GALNT13: variants seen among roughly 807,000 people sequenced by gnomAD.
The protein encoded by GALNT13 is UDP-GalNAc:polypeptide N-acetylgalactosaminyltransferase 13.
A neutral mutation model predicts 64.2 loss-of-function variants in GALNT13; 28 were observed. That is an observed-to-expected ratio of 0.44 (90% CI 0.32 to 0.60). GALNT13 has a LOEUF of 0.60. Ranked by LOEUF, GALNT13 falls within the 20% of genes least tolerant of loss-of-function variation. The pLI, the probability that GALNT13 is intolerant of heterozygous loss-of-function variation, is 0.05. For missense variants in GALNT13, 577 were observed against 669.8 expected, an observed-to-expected ratio of 0.86 and a Z score of 1.53; for synonymous variants, 214 against 224.6, an observed-to-expected ratio of 0.95 and a Z score of 0.42.
chr2:153,837,328 A>G, the GALNT13 span, among the ~76,000 whole-genome samples: 1 of 151,974 alleles, frequency 6.6e-6, no homozygotes, highest in Non-Finnish European at 1.5e-5. Context: ...GTCTGTTCAT[A>G]TCCTTTGCCC....
chr2:153,277,927 C>CTTTTTTTTTTTTTTTTTTTTTT, the GALNT13 span, among the ~76,000 whole-genome samples: 4 of 80,102 alleles, frequency 5.0e-5, no homozygotes, highest in Non-Finnish European at 9.3e-5. Context: ...TCTTTTCTTT[C>CTTTTTTTTTTTTTTTTTTTTTT]TTTTTTTTTT....
At chr2:154,368,670 A>G (rs17206992) in intron 9 of GALNT13, among the ~76,000 whole-genome samples, 5,889 of 152,166 alleles carry the variant, frequency 0.039, 138 homozygotes, top group Middle Eastern at 0.061. Context: ...CAGGTAATTG[A>G]TTTATCTGGC....
chr2:153,952,754 A>G (rs1253507334), intron 3 of GALNT13, among the ~76,000 whole-genome samples: 1 of 142,948 alleles, frequency 7.0e-6, no homozygotes, highest in Non-Finnish European at 1.6e-5. Flanking sequence ...GGAGCAAGAA[A>G]GCCAGTCCGA....
chr2:153,877,071 G>A (rs1276738651), intron 1 of GALNT13, among the ~76,000 whole-genome samples: 2 of 152,090 alleles, frequency 1.3e-5, no homozygotes, highest in African/African-American at 2.4e-5. Context: ...AAGATAGTTT[G>A]AGAGGGATGT....
chr2:153,780,314 C>CTAAGCCTCCGTTT, the GALNT13 span, among the ~76,000 whole-genome samples: 466 of 147,848 alleles, frequency 3.2e-3, 5 homozygotes, highest in African/African-American at 0.011. Context: ...ATAATTCCTC[C>CTAAGCCTCCGTTT]TAAGCCTCCG....
chr2:153,660,595 T>A, the GALNT13 span, among the ~76,000 whole-genome samples: 3 of 149,942 alleles, frequency 2.0e-5, no homozygotes, highest in African/African-American at 7.3e-5. Flanking sequence ...ATATAAAATA[T>A]GATAATATAT....
the GALNT13 span, among the ~76,000 whole-genome samples, chr2:153,565,340 T>C: frequency 6.6e-6 from 1 of 152,100 alleles, no homozygotes. Context: ...CTCACAGGCT[T>C]TTTTCCAAAT....
At chr2:154,184,279 C>T (rs139824635) in intron 4 of GALNT13, among the ~76,000 whole-genome samples, 2,507 of 152,098 alleles carry the variant, frequency 0.016, 50 homozygotes, top group African/African-American at 0.055. Flanking sequence ...TTACCCTTTG[C>T]TTTCAACCTT....
At chr2:153,924,097 A>C (rs947784905) in intron 2 of GALNT13, among the ~76,000 whole-genome samples, 2 of 152,158 alleles carry the variant, frequency 1.3e-5, no homozygotes, top group Admixed American at 6.6e-5. Flanking sequence ...CAGGATGTAC[A>C]GGATTGTTAC....
chr2:153,219,217 C>A, the GALNT13 span, among the ~76,000 whole-genome samples: 2 of 152,188 alleles, frequency 1.3e-5, no homozygotes, highest in Non-Finnish European at 2.9e-5. Context: ...TAGCAGAAAG[C>A]TAGAGGGCCT....
chr2:153,301,933 T>C, the GALNT13 span, among the ~76,000 whole-genome samples: 1 of 151,930 alleles, frequency 6.6e-6, no homozygotes, highest in African/African-American at 2.4e-5. Flanking sequence ...ACATTTTCTT[T>C]ATCTATTCCT....
At chr2:153,525,169 G>C in the GALNT13 span, among the ~76,000 whole-genome samples, 1 of 152,160 alleles carries the variant, frequency 6.6e-6, no homozygotes, top group African/African-American at 2.4e-5. Flanking sequence ...CCACTGCCTT[G>C]ACGAGAAGAA....
chr2:154,139,685 G>A (rs1435696693), intron 3 of GALNT13, among the ~76,000 whole-genome samples: 1 of 151,368 alleles, frequency 6.6e-6, no homozygotes, highest in Non-Finnish European at 1.5e-5. Context: ...ATCTAGAAGG[G>A]ACTTTAGTGT....
chr2:153,331,232 T>TA, the GALNT13 span, among the ~76,000 whole-genome samples: 1 of 151,598 alleles, frequency 6.6e-6, no homozygotes, highest in Non-Finnish European at 1.5e-5. Flanking sequence ...GCCTATGTTT[T>TA]TTTTTTTCAT....
chr2:153,735,013 C>T, the GALNT13 span, among the ~76,000 whole-genome samples: 1 of 152,116 alleles, frequency 6.6e-6, no homozygotes, highest in East Asian at 1.9e-4. Flanking sequence ...CTGTAGCTTC[C>T]TGGCTGCCAG....
chr2:153,256,352 C>A, the GALNT13 span, among the ~76,000 whole-genome samples: 2 of 152,180 alleles, frequency 1.3e-5, no homozygotes, highest in African/African-American at 4.8e-5. Flanking sequence ...ATCGGTTAGT[C>A]TAGTTATACA....
chr2:153,633,127 A>T, the GALNT13 span, among the ~76,000 whole-genome samples: 1 of 152,118 alleles, frequency 6.6e-6, no homozygotes, highest in Admixed American at 6.6e-5. Context: ...TTGTTCCTTT[A>T]TACCTATACA....
chr2:154,154,707 G>A (rs1164552388), intron 4 of GALNT13, among the ~76,000 whole-genome samples: 3 of 152,080 alleles, frequency 2.0e-5, no homozygotes, highest in Non-Finnish European at 4.4e-5. Context: ...AGCTTCAGGA[G>A]GGATGGCATG....
chr2:153,720,932 C>T, the GALNT13 span, among the ~76,000 whole-genome samples: 1,249 of 151,976 alleles, frequency 8.2e-3, 17 homozygotes, highest in African/African-American at 0.028. Context: ...CAAGGCAGGC[C>T]GACGTTCAGA....
Sources: gnomAD v4.1 joint callset for allele counts (sites outside exome capture counted in the v4.1 genomes callset) on GRCh38, gnomAD v4.1.1 for gene constraint, MANE v1.5 for transcripts, NCBI Gene and HGNC (gene_info 2026-07-23, HGNC 2026-07-21) for gene names.